Variants in LONRF3 observed in about 807,000 individuals in gnomAD.
LONRF3 encodes the protein LON peptidase N-terminal domain and ring finger 3.
In LONRF3, 19 loss-of-function variants were observed where a neutral mutation model predicts 51.7. The ratio of observed to expected loss-of-function variants is 0.37; its 90% CI spans 0.26 to 0.54. LONRF3 has a LOEUF of 0.54. Ranked by LOEUF, LONRF3 falls within the 20% of genes least tolerant of loss-of-function variation. The pLI, the probability that LONRF3 is intolerant of heterozygous loss-of-function variation, is 0.86. For synonymous variants in LONRF3, 265 were observed against 257.8 expected (o/e 1.03, Z -0.27); for missense variants, 521 against 623.9 (o/e 0.84, Z 1.76).
chrX:118,985,779 T>C (rs180948015), intron 3 of LONRF3, among the ~76,000 whole-genome samples: 6 of 111,713 alleles, frequency 5.4e-5, no homozygotes, highest in African/African-American at 2.0e-4. Context: ...CTTTGAAGGC[T>C]GAGTGGGGTT....
chrX:118,989,164 C>T (rs1923227240), intron 3 of LONRF3, among the ~76,000 whole-genome samples: 1 of 111,537 alleles, frequency 9.0e-6, no homozygotes, highest in South Asian at 3.8e-4. Flanking sequence ...ACATACCTTC[C>T]TGTCCTTGCC....
rs895336954 is a variant in LONRF3 at position 118,989,579 on chromosome X, A to G, written c.1231A>G (p.Ser411Gly). 3.3e-6 allele frequency: 4 copies of G among 1,209,674 alleles called. No homozygotes were observed. Among genetic ancestry groups the G allele is most frequent in the Admixed American group, 2.2e-5 (1 of 45,738 alleles). Residue 411 changes from serine to glycine, a missense_variant, in exon 4 of 11, where the codon AGC (serine) becomes GGC (glycine). Coordinates refer to ENST00000371628, the MANE Select transcript of LONRF3 (RefSeq NM_001031855.3). ...WDATSPKAAS[S>G]KTGKCQEKKR... ...TGCTACCTCTCCAAAAGCTGCTTCC[A>G]GCAAGACTGGAAAATGCCAGGAAAA... is the stretch of plus-strand genomic sequence containing the variant.
chrX:118,978,552 A>G (rs770679542), intron 2 of LONRF3, 89 bp downstream of exon 2: 1 of 562,384 alleles, frequency 1.8e-6, no homozygotes, highest in Non-Finnish European at 3.0e-6. Context: ...TAGGGGCACT[A>G]GAGCTCAAGC....
At chrX:118,990,080 T>C (rs1014973898) in intron 4 of LONRF3, among the ~76,000 whole-genome samples, 6 of 112,072 alleles carry the variant, frequency 5.4e-5, no homozygotes, top group African/African-American at 1.9e-4. Context: ...TAGGTAGGCA[T>C]GTGAGAAGCA....
At chrX:118,995,944 T>A (rs1923833191) in intron 5 of LONRF3, among the ~76,000 whole-genome samples, 1 of 112,088 alleles carries the variant, frequency 8.9e-6, no homozygotes, top group African/African-American at 3.2e-5. Context: ...CCAATCATTT[T>A]GACACTATTC....
At chrX:119,008,775 A>G (rs938791365) in intron 6 of LONRF3, among the ~76,000 whole-genome samples, 1 of 111,609 alleles carries the variant, frequency 9.0e-6, no homozygotes, top group Non-Finnish European at 1.9e-5. Context: ...TACAATCATC[A>G]GAAAATGGAA....
At chrX:118,984,215 T>A (rs1187280705) in intron 3 of LONRF3, among the ~76,000 whole-genome samples, 5 of 112,037 alleles carry the variant, frequency 4.5e-5, no homozygotes, top group Non-Finnish European at 9.4e-5. Flanking sequence ...GTCATGCAGC[T>A]GGTGATTGGT....
intron 1 of LONRF3, among the ~76,000 whole-genome samples, chrX:118,977,447 C>A (rs1305491488): frequency 8.9e-6 from 1 of 112,329 alleles, no homozygotes; most frequent in Admixed American, 9.4e-5. Context: ...CAGCTTTACC[C>A]TTCTAAGAGG....
At chrX:118,977,344 C>A (rs1181080714) in intron 1 of LONRF3, among the ~76,000 whole-genome samples, 1 of 111,787 alleles carries the variant, frequency 8.9e-6, no homozygotes, top group Non-Finnish European at 1.9e-5. Flanking sequence ...CCTGCCCTCA[C>A]CCTTCTCCTC....
intron 3 of LONRF3, among the ~76,000 whole-genome samples, chrX:118,985,545 T>C (rs1922885311): frequency 8.9e-6 from 1 of 112,260 alleles, no homozygotes; most frequent in Non-Finnish European, 1.9e-5. Flanking sequence ...CTGGGGTGGA[T>C]AAGTGTCTTA....
Position 119,017,691 on chromosome X carries a change from T to A in LONRF3, c.*1T>A. 1.7e-6 allele frequency: 2 copies of A among 1,182,041 alleles called. No homozygotes were observed. The highest frequency in any genetic ancestry group is 2.3e-6 in the Non-Finnish European group (2 of 879,672). ...CTTCATATCCCGAAACCAAAACTAGTGAGTGGATTGCCGAAGAGGAGCTCC... is the reference window on the plus strand; with the variant it reads ...CTTCATATCCCGAAACCAAAACTAGAGAGTGGATTGCCGAAGAGGAGCTCC... On this transcript the variant is annotated 3_prime_UTR_variant, in exon 11 of 11. Coordinates refer to ENST00000371628, the MANE Select transcript of LONRF3 (RefSeq NM_001031855.3).
chrX:118,984,849 A>G (rs772004887), intron 3 of LONRF3, among the ~76,000 whole-genome samples: 2 of 112,253 alleles, frequency 1.8e-5, no homozygotes, highest in African/African-American at 6.5e-5. Context: ...TTACTAGATC[A>G]TTCCAGTTTC....
Position 119,017,737 on chromosome X carries a change from G to A in LONRF3, c.*47G>A. 2 of 1,103,404 alleles carry A rather than the reference G, an allele frequency of 1.8e-6. No homozygotes were observed. The highest frequency in any genetic ancestry group is 1.8e-5 in the African/African-American group (1 of 54,142). The allele number at this position is 1,103,404 out of a possible 1,213,427, so 90.9% of individuals were successfully genotyped here. A position where few individuals can be genotyped will look rare whatever the true frequency, so the allele number is the denominator to read the frequency against. The stretch of plus-strand genomic sequence containing the variant: ...GCTCCCACCTTCCCCACTGCCGTCG[G>A]GGGGAGTCTTCTTGTAAATATATCT... On this transcript the variant is annotated 3_prime_UTR_variant, in exon 11 of 11. Coordinates refer to ENST00000371628, the MANE Select transcript of LONRF3 (RefSeq NM_001031855.3).
At chrX:119,002,355 A>G (rs974282177) in intron 5 of LONRF3, among the ~76,000 whole-genome samples, 1 of 112,242 alleles carries the variant, frequency 8.9e-6, no homozygotes, top group African/African-American at 3.2e-5. Flanking sequence ...TTGCCTATGT[A>G]AAAGCTTTAT....
At chrX:119,003,567 C>T (rs916937569) in intron 5 of LONRF3, among the ~76,000 whole-genome samples, 10 of 112,236 alleles carry the variant, frequency 8.9e-5, no homozygotes, top group African/African-American at 3.2e-4. Context: ...TGTTTCTGGG[C>T]TTTCTGTTCT....
chrX:119,017,420 CA>C, intron 10 of LONRF3, 114 bp from the exon 11 acceptor site: 3 of 705,682 alleles, frequency 4.3e-6, no homozygotes, highest in Non-Finnish European at 6.1e-6. Context: ...GGTCAATTAG[CA>C]ATCTGCCACA....
intron 5 of LONRF3, among the ~76,000 whole-genome samples, chrX:118,997,916 A>G (rs1923985701): frequency 8.9e-6 from 1 of 112,757 alleles, no homozygotes; most frequent in Non-Finnish European, 1.9e-5. Context: ...TCAAAACCAC[A>G]TTGAGATACC....
chrX:119,000,620 A>G (rs1461336132), intron 5 of LONRF3, among the ~76,000 whole-genome samples: 1 of 112,004 alleles, frequency 8.9e-6, no homozygotes, highest in Non-Finnish European at 1.9e-5. Context: ...GGTGACAAAG[A>G]CATTTTGAGA....
At position 119,017,856 on chromosome X, in the gene LONRF3, A is replaced by ATG; in HGVS notation, c.*169_*170dup. 1 of 405,470 alleles carries ATG rather than the reference A, an allele frequency of 2.5e-6. No homozygotes were observed. The allele number at this position is 405,470 out of a possible 1,213,427, so 33.4% of individuals were successfully genotyped here. On this transcript the variant is annotated 3_prime_UTR_variant, in exon 11 of 11. Transcript: ENST00000371628. ...GAAATTGAGTAGAAAGACCAAAAGA[A>ATG]TGTGACCTATTTGAAACTTTCTGTC...
Sources: gnomAD v4.1 joint callset for allele counts (sites outside exome capture counted in the v4.1 genomes callset) on GRCh38, gnomAD v4.1.1 for gene constraint, MANE v1.5 for transcripts, NCBI Gene and HGNC (gene_info 2026-07-23, HGNC 2026-07-21) for gene names.